ESRRG: variants seen among roughly 807,000 people sequenced by gnomAD.
The protein encoded by ESRRG is estrogen-related receptor gamma.
Under a neutral mutation model 44.0 loss-of-function variants are expected in ESRRG, and 13 were observed. That is an observed-to-expected ratio of 0.30 (90% CI 0.19 to 0.47). The LOEUF (loss-of-function observed/expected upper bound fraction) is 0.47, where lower values mean the gene tolerates loss of function less well. ESRRG is among the 20% of genes least tolerant of loss of function. The pLI, the probability that ESRRG is intolerant of heterozygous loss-of-function variation, is 1.00. For missense variants in ESRRG, 395 were observed against 580.6 expected (o/e 0.68, Z 3.29); for synonymous variants, 215 against 214.6 (o/e 1.00, Z -0.02).
chr1:216,514,092 T>G (rs187051121), intron 6 of ESRRG, among the ~76,000 whole-genome samples: 1 of 152,250 alleles, frequency 6.6e-6, no homozygotes, highest in East Asian at 1.9e-4. Flanking sequence ...AGCAAATATT[T>G]CTGATACTAT....
At chr1:216,783,853 T>G (rs570053303) in intron 2 of ESRRG, among the ~76,000 whole-genome samples, 4 of 152,060 alleles carry the variant, frequency 2.6e-5, no homozygotes, top group Non-Finnish European at 5.9e-5. Flanking sequence ...ATATTTCCCA[T>G]TATCGATTTA....
At chr1:217,027,897 T>C (rs2081464694) in intron 1 of ESRRG, among the ~76,000 whole-genome samples, 3 of 152,208 alleles carry the variant, frequency 2.0e-5, no homozygotes, top group East Asian at 3.9e-4. Flanking sequence ...TGCATAATCA[T>C]TGCCTCAATG....
intron 1 of ESRRG, among the ~76,000 whole-genome samples, chr1:216,983,025 T>A (rs998121153): frequency 6.2e-5 from 7 of 113,368 alleles, no homozygotes; most frequent in Admixed American, 1.1e-4. Flanking sequence ...TACGTGACTT[T>A]GAACTGTTTT....
chr1:217,106,933 G>A (rs899996237), intron 1 of ESRRG, among the ~76,000 whole-genome samples: 3 of 151,990 alleles, frequency 2.0e-5, no homozygotes, highest in African/African-American at 4.8e-5. Flanking sequence ...GTCAGTCTCC[G>A]GTCTCTCCCT....
intron 5 of ESRRG, among the ~76,000 whole-genome samples, chr1:216,556,692 CCCCCTTCTAAGT>C (rs2057658542): frequency 6.6e-6 from 1 of 152,094 alleles, no homozygotes; most frequent in Admixed American, 6.6e-5. Flanking sequence ...TTCCCATGCT[CCCCCTTCTAAGT>C]CTCCATGTGA....
At chr1:217,130,914 G>A (rs1354576374) in intron 1 of ESRRG, among the ~76,000 whole-genome samples, 6 of 151,782 alleles carry the variant, frequency 4.0e-5, no homozygotes, top group East Asian at 3.9e-4. Context: ...CTATTAAGAC[G>A]TTAGCAATAA....
intron 1 of ESRRG, chr1:216,714,643 A>G: frequency 1.5e-6 from 1 of 660,852 alleles, no homozygotes; most frequent in Non-Finnish European, 1.9e-6. Flanking sequence ...CACTATAAGA[A>G]AATAAAGAAA....
At chr1:217,127,771 T>C (rs2092911028) in intron 1 of ESRRG, among the ~76,000 whole-genome samples, 1 of 152,238 alleles carries the variant, frequency 6.6e-6, no homozygotes, top group Non-Finnish European at 1.5e-5. Flanking sequence ...ACTGTTTCAG[T>C]TAATTTTAAA....
At chr1:216,634,895 T>C (rs2064984879) in intron 3 of ESRRG, among the ~76,000 whole-genome samples, 1 of 152,154 alleles carries the variant, frequency 6.6e-6, no homozygotes, top group African/African-American at 2.4e-5. Flanking sequence ...AGAATCCAAG[T>C]TTTAAGGGGA....
At chr1:216,651,654 G>T (rs931175525) in intron 2 of ESRRG, among the ~76,000 whole-genome samples, 11 of 152,118 alleles carry the variant, frequency 7.2e-5, no homozygotes, top group Non-Finnish European at 1.2e-4. Context: ...ACACAATTCT[G>T]TGCTTGGTAA....
At chr1:216,878,721 C>T (rs2096396274) in intron 2 of ESRRG, among the ~76,000 whole-genome samples, 1 of 152,146 alleles carries the variant, frequency 6.6e-6, no homozygotes, top group African/African-American at 2.4e-5. Context: ...TTTCTCTGTG[C>T]TTTTATTCAG....
chr1:216,661,048 T>C (rs1195472851), intron 2 of ESRRG, among the ~76,000 whole-genome samples: 1 of 152,170 alleles, frequency 6.6e-6, no homozygotes, highest in Non-Finnish European at 1.5e-5. Context: ...TAAAAATACA[T>C]TGGTGAAAAT....
intron 2 of ESRRG, among the ~76,000 whole-genome samples, chr1:216,830,782 G>C (rs773021599): frequency 6.6e-6 from 1 of 151,924 alleles, no homozygotes; most frequent in African/African-American, 2.4e-5. Flanking sequence ...ATAACTGTTC[G>C]ATCCTCAGAT....
At chr1:216,679,622 A>AT (rs1329064529) in intron 1 of ESRRG, among the ~76,000 whole-genome samples, 19 of 98,950 alleles carry the variant, frequency 1.9e-4, no homozygotes, top group Non-Finnish European at 3.2e-4. Flanking sequence ...TTAATTTGGA[A>AT]TTTTTTTTTT....
At chr1:216,763,973 A>G (rs746293097) in intron 2 of ESRRG, among the ~76,000 whole-genome samples, 1 of 152,160 alleles carries the variant, frequency 6.6e-6, no homozygotes, top group Non-Finnish European at 1.5e-5. Flanking sequence ...AAAAAAGTAA[A>G]TAAAATTCAG....
At chr1:217,018,653 C>T (rs1358549307) in intron 1 of ESRRG, among the ~76,000 whole-genome samples, 1 of 152,064 alleles carries the variant, frequency 6.6e-6, no homozygotes, top group Admixed American at 6.6e-5. Context: ...AATTTCTTAC[C>T]TCTGCATTTT....
In ESRRG at chr1:216,766,527, T is replaced by C. The variant is rs1489206071; in HGVS notation, c.-13-89036A>G. On this transcript the variant is annotated intron_variant, in intron 2 of 7. Transcript: ENST00000359162. ...CTGTTCATTCATTTACTGGAACTTT[T>C]CCAATACCATATGAACTGCTTTGGG... Among the ~76,000 whole-genome samples, 3 of 152,072 alleles carry C rather than the reference T, an allele frequency of 2.0e-5. No homozygotes were observed. The East Asian group carries it at 5.8e-4, about 29-fold the overall frequency.
intron 2 of ESRRG, among the ~76,000 whole-genome samples, chr1:216,852,679 T>C (rs753913207): frequency 2.0e-4 from 30 of 152,192 alleles, no homozygotes; most frequent in Non-Finnish European, 4.1e-4. Context: ...TGCTCAATAA[T>C]CATAGAAGTT....
chr1:216,692,135 TTGTAAA>T (rs2079157947), intron 1 of ESRRG, among the ~76,000 whole-genome samples: 1 of 152,178 alleles, frequency 6.6e-6, no homozygotes, highest in Non-Finnish European at 1.5e-5. Flanking sequence ...AAAAATTTAC[TTGTAAA>T]ACAGCCTCAG....
Sources: gnomAD v4.1 joint callset for allele counts (sites outside exome capture counted in the v4.1 genomes callset) on GRCh38, gnomAD v4.1.1 for gene constraint, MANE v1.5 for transcripts, NCBI Gene and HGNC (gene_info 2026-07-23, HGNC 2026-07-21) for gene names.